Variants in OTUD7A observed in about 807,000 individuals in gnomAD.
OTUD7A encodes OTU deubiquitinase 7A.
A neutral mutation model predicts 65.7 loss-of-function variants in OTUD7A; 12 were observed. That is an observed-to-expected ratio of 0.18 (90% confidence interval 0.12 to 0.30). The LOEUF (loss-of-function observed/expected upper bound fraction) is 0.30, where lower values mean the gene tolerates loss of function less well. Ranked by LOEUF, OTUD7A falls within the 10% of genes least tolerant of loss-of-function variation. The pLI, the probability that OTUD7A is intolerant of heterozygous loss-of-function variation, is 1.00. For missense variants in OTUD7A, 1,148 were observed against 1,304.8 expected (o/e 0.88, Z 1.85); for synonymous variants, 641 against 586.3 (o/e 1.09, Z -1.35).
intron 3 of OTUD7A, among the ~76,000 whole-genome samples, chr15:31,597,179 T>C (rs1054655098): frequency 6.6e-6 from 1 of 152,172 alleles, no homozygotes; most frequent in Non-Finnish European, 1.5e-5. Flanking sequence ...CTGCCGGCCT[T>C]GGCCTCTGAA....
intron 1 of OTUD7A, among the ~76,000 whole-genome samples, chr15:31,747,650 C>T (rs1465384570): frequency 6.6e-6 from 1 of 152,058 alleles, no homozygotes; most frequent in Non-Finnish European, 1.5e-5. Flanking sequence ...AGAAGAATGC[C>T]AGTGTAGGAG....
chr15:31,490,750 C>G (rs1566881349), intron 10 of OTUD7A, among the ~76,000 whole-genome samples: 1 of 152,198 alleles, frequency 6.6e-6, no homozygotes, highest in African/African-American at 2.4e-5. Context: ...ACAGGACCTA[C>G]CTGGTTCTCC....
intron 1 of OTUD7A, among the ~76,000 whole-genome samples, chr15:31,722,629 A>G (rs187219833): frequency 1.4e-3 from 209 of 152,348 alleles, no homozygotes; most frequent in African/African-American, 4.6e-3. Flanking sequence ...GAATGCAGGC[A>G]GGACCACTGC....
In OTUD7A at chr15:31,476,676, T is replaced by C. The variant is rs763103971; in HGVS notation, c.*6618A>G. 1 of 152,254 alleles carries C rather than the reference T, an allele frequency of 6.6e-6. No individual in the cohort carries two copies. Among genetic ancestry groups the C allele is most frequent in the Non-Finnish European group, 1.5e-5 (1 of 68,058 alleles). 9.4% of individuals were successfully genotyped at this position (152,254 alleles called of 1,614,324 possible). ...AGAGGGCATCACGATGGAGACCTTA[T>C]GCCCCCTCCCACGAGGGACCTGAAA... On this transcript the variant is annotated 3_prime_UTR_variant, in exon 13 of 13. Coordinates refer to ENST00000307050, the MANE Select transcript of OTUD7A (RefSeq NM_001382637.1).
At chr15:31,636,467 T>G (rs553650736) in intron 3 of OTUD7A, among the ~76,000 whole-genome samples, 1 of 152,226 alleles carries the variant, frequency 6.6e-6, no homozygotes, top group East Asian at 1.9e-4. Flanking sequence ...TGTCTCCCTC[T>G]CCTCAGGCCT....
intron 3 of OTUD7A, among the ~76,000 whole-genome samples, chr15:31,641,123 T>C (rs1442288036): frequency 1.3e-5 from 2 of 152,026 alleles, no homozygotes; most frequent in Non-Finnish European, 2.9e-5. Flanking sequence ...GTTTCCCCCA[T>C]CCTGTTCTTG....
chr15:31,720,159 A>G (rs1194825190), intron 1 of OTUD7A, among the ~76,000 whole-genome samples: 5 of 150,502 alleles, frequency 3.3e-5, no homozygotes, highest in South Asian at 2.2e-4. Context: ...ATCGTGGAAA[A>G]GTTTAAAATT....
At chr15:31,808,136 C>CACACACACACA (rs772574742) in intron 1 of OTUD7A, among the ~76,000 whole-genome samples, 12 of 119,416 alleles carry the variant, frequency 1.0e-4, no homozygotes, top group African/African-American at 3.4e-4. Context: ...CACACACACA[C>CACACACACACA]AAACAAATCC....
At chr15:31,754,271 C>T (rs944438311) in intron 1 of OTUD7A, among the ~76,000 whole-genome samples, 1 of 151,930 alleles carries the variant, frequency 6.6e-6, no homozygotes, top group Non-Finnish European at 1.5e-5. Context: ...CTTTGTCAGA[C>T]ATATAGATTG....
intron 1 of OTUD7A, among the ~76,000 whole-genome samples, chr15:31,703,485 C>A (rs1314218134): frequency 2.0e-5 from 3 of 151,140 alleles, no homozygotes; most frequent in African/African-American, 4.9e-5. Flanking sequence ...GTTCAACAAC[C>A]TTAGCCATCA....
At chr15:31,636,902 G>C (rs1331537205) in intron 3 of OTUD7A, among the ~76,000 whole-genome samples, 2 of 152,170 alleles carry the variant, frequency 1.3e-5, no homozygotes, top group Non-Finnish European at 2.9e-5. Context: ...AGGTGAGGAA[G>C]CTACAGAAGA....
intron 3 of OTUD7A, 103 bp from the exon 4 acceptor site, chr15:31,570,300 C>T (rs1254151479): frequency 3.8e-6 from 5 of 1,323,782 alleles, no homozygotes; most frequent in Non-Finnish European, 5.2e-6. Flanking sequence ...AGGACATAAA[C>T]TAATGAATTT....
At chr15:31,827,755 T>C (rs1896832455) in intron 1 of OTUD7A, among the ~76,000 whole-genome samples, 1 of 151,980 alleles carries the variant, frequency 6.6e-6, no homozygotes, top group African/African-American at 2.4e-5. Flanking sequence ...GGTAAAATCC[T>C]GTCTCTACTA....
intron 5 of OTUD7A, among the ~76,000 whole-genome samples, chr15:31,543,793 A>G (rs758440710): frequency 3.9e-5 from 6 of 151,916 alleles, no homozygotes; most frequent in Non-Finnish European, 8.9e-5. Context: ...ACAAGTACTC[A>G]ATCATGATGA....
intron 1 of OTUD7A, among the ~76,000 whole-genome samples, chr15:31,850,826 C>G (rs1897406973): frequency 6.6e-6 from 1 of 152,144 alleles, no homozygotes; most frequent in South Asian, 2.1e-4. Context: ...CTGACAGAAG[C>G]AAATACAACC....
At chr15:31,670,082 G>C (rs1186223533) in intron 1 of OTUD7A, among the ~76,000 whole-genome samples, 2 of 146,800 alleles carry the variant, frequency 1.4e-5, no homozygotes, top group South Asian at 4.3e-4. Flanking sequence ...TCTTGCAGTC[G>C]ATCTGGAGCT....
At chr15:31,587,718 A>G (rs768362879) in intron 3 of OTUD7A, among the ~76,000 whole-genome samples, 1 of 151,840 alleles carries the variant, frequency 6.6e-6, no homozygotes, top group Non-Finnish European at 1.5e-5. Context: ...TCACTTTCCA[A>G]ATAACTTCGG....
At chr15:31,543,066 C>A (rs965125113) in intron 5 of OTUD7A, among the ~76,000 whole-genome samples, 1 of 151,672 alleles carries the variant, frequency 6.6e-6, no homozygotes, top group South Asian at 2.1e-4. Flanking sequence ...ATGGGTAAAT[C>A]AAAATGAATG....
chr15:31,623,703 T>C lies in OTUD7A; in HGVS notation c.151+31393A>G, dbSNP rs552774676. On this transcript the variant is annotated intron_variant, in intron 3 of 12. Coordinates refer to ENST00000307050, the MANE Select transcript of OTUD7A (RefSeq NM_001382637.1). ...CTAGGAAAGGGAATTCCCTGACCCC[T>C]TGCACTTCCCGGGTGAGGTGATGCC... is the stretch of plus-strand genomic sequence containing the variant. Among the ~76,000 whole-genome samples the C allele has an allele frequency of 2.0e-3, 305 of 152,344 alleles. 1 individual carries two copies. Among genetic ancestry groups the C allele is most frequent in the Non-Finnish European group, 3.3e-3 (225 of 68,026 alleles).
Sources: allele counts gnomAD v4.1 joint callset (sites outside exome capture counted in the v4.1 genomes callset), GRCh38; gene constraint gnomAD v4.1.1; transcripts MANE v1.5; gene names NCBI Gene and HGNC (gene_info 2026-07-23, HGNC 2026-07-21).